CHD3: variants seen among roughly 807,000 people sequenced by gnomAD.
The protein encoded by CHD3 is ATP-dependent chromatin remodeler CHD3.
In CHD3, 52 loss-of-function variants were observed where a neutral mutation model predicts 248.9. That is an observed-to-expected ratio of 0.21 (90% confidence interval 0.17 to 0.26). The LOEUF (loss-of-function observed/expected upper bound fraction) is 0.26. Ranked by LOEUF, CHD3 falls within the 10% of genes least tolerant of loss-of-function variation. The pLI is 1.00. For synonymous variants in CHD3, 985 were observed against 985.2 expected (o/e 1.00, Z 0.00); for missense variants, 1,482 against 2,605.8 (o/e 0.57, Z 9.39).
intron 2 of CHD3, 105 bp from the exon 3 acceptor site, chr17:7,890,466 C>G (rs1968678134): frequency 7.7e-6 from 6 of 775,374 alleles, no homozygotes; most frequent in Non-Finnish European, 1.2e-5. Flanking sequence ...GTTACTATCA[C>G]AGGATTGTTG....
Position 7,899,862 on chromosome 17 carries a change from G to A in CHD3, c.2545-34G>A, listed in dbSNP as rs1324038078. On this transcript the variant is annotated intron_variant, in intron 15 of 39. Coordinates refer to ENST00000330494, the MANE Select transcript of CHD3 (RefSeq NM_001005273.3). The surrounding 1 kb of genome is among the most constrained non-coding windows in gnomAD (Gnocchi z 6.8). ...GGAGGTGTAGGTGCATGGTTGTCAG[G>A]TGGCAGCTGAATGGGCAATAATTAT... 6.2e-7 allele frequency: 1 copy of A among 1,605,192 alleles called. No individual in the cohort carries two copies. The highest frequency in any genetic ancestry group is 1.1e-5 in the South Asian group (1 of 90,666).
chr17:7,890,658 C>G lies in CHD3; in HGVS notation c.301C>G (p.Arg101Gly). The part of the protein sequence containing the change: ...GGSEYGTGPG[R>G]KRRRKHREKK... ...CAGTGAATATGGAACCGGACCGGGT[C>G]GGAAACGAAGAAGGAAGCACCGAGA... The change falls in exon 3 of 40, where the codon CGG (arginine) becomes GGG (glycine). Residue 101 changes from arginine (R) to glycine (G), a missense_variant. Arg to Gly is a moderately radical substitution (Grantham distance 125, BLOSUM62 -2). Transcript: ENST00000330494. The G allele has an allele frequency of 6.3e-7, 1 of 1,595,716 alleles. No individual in the cohort carries two copies. The highest frequency in any genetic ancestry group is 8.5e-7 in the Non-Finnish European group (1 of 1,176,078).
rs1969977122 is a variant in CHD3 at position 7,898,708 on chromosome 17, C to G, written c.2151+113C>G. On this transcript the variant is annotated intron_variant, in intron 13 of 39. Coordinates refer to ENST00000330494, the MANE Select transcript of CHD3 (RefSeq NM_001005273.3). ...TCAGTAACCTCTGTGAACAGTAGCTCTTCCTTCAGCATCCAGTCTTGCCCC... is the reference window on the plus strand; with the variant it reads ...TCAGTAACCTCTGTGAACAGTAGCTGTTCCTTCAGCATCCAGTCTTGCCCC... 7 of 829,272 alleles carry G rather than the reference C, an allele frequency of 8.4e-6. No homozygotes were observed. In the South Asian group the frequency reaches 1.0e-4, roughly 12 times the overall value. 51.4% of individuals were successfully genotyped at this position (829,272 alleles called of 1,614,324 possible). A position where few individuals can be genotyped will look rare whatever the true frequency, so the allele number is the denominator to read the frequency against.
In CHD3 at chr17:7,902,671, G is replaced by T; in HGVS notation, c.3314G>T (p.Arg1105Leu). 6.2e-7 allele frequency: 1 copy of T among 1,614,014 alleles called. No individual in the cohort carries two copies. Among genetic ancestry groups the T allele is most frequent in the Non-Finnish European group, 8.5e-7 (1 of 1,179,944 alleles). The change falls in exon 21 of 40, where the codon CGC becomes CTC. Residue 1105 changes from arginine to leucine, a missense_variant. Physicochemically the swap from Arg to Leu is moderately radical, Grantham distance 102 (BLOSUM62 -2). Around this residue, in one of 20 missense-constraint regions of CHD3, gnomAD observed 18 missense variants for 45.2 expected, o/e 0.40. Coordinates refer to ENST00000330494, the MANE Select transcript of CHD3 (RefSeq NM_001005273.3). Reference protein sequence around the residue: ...FLDYEGYKYERIDGGITGALR... With the variant: ...FLDYEGYKYELIDGGITGALR... ...GACTATGAAGGCTACAAGTATGAGC[G>T]CATCGATGGTGGTATCACGGGTGCC...
intron 5 of CHD3, 31 bp downstream of exon 5, chr17:7,893,600 T>G: frequency 6.5e-7 from 1 of 1,540,890 alleles, no homozygotes; most frequent in Non-Finnish European, 8.7e-7. Context: ...AACTGTCATC[T>G]CACCTTCCAA....
rs766079575 is a variant in CHD3 at position 7,909,987 on chromosome 17, T to C, written c.5591-441T>C. 5 of 269,440 alleles carry C rather than the reference T, an allele frequency of 1.9e-5. No individual in the cohort carries two copies. Among genetic ancestry groups the C allele is most frequent in the Non-Finnish European group, 3.6e-5 (5 of 137,886 alleles). 16.7% of individuals were successfully genotyped at this position (269,440 alleles called of 1,614,324 possible). On this transcript the variant is annotated intron_variant, in intron 37 of 39. Transcript: ENST00000330494. This position sits in a 1 kb window ranked among gnomAD's most constrained non-coding sequence, Gnocchi z 8.1. The stretch of plus-strand genomic sequence containing the variant: ...TCTAACCTCCCTCTCCCCTTACATA[T>C]TAAAACCGTGATTCCTTAAAGCTTT...
rs1971728393 is a variant in CHD3, at chr17:7,912,066, G to C, written c.*481G>C. 7.3e-6 allele frequency: 2 copies of C among 273,616 alleles called. No homozygotes were observed. The highest frequency in any genetic ancestry group is 6.9e-5 in the South Asian group (2 of 29,176). 16.9% of individuals were successfully genotyped at this position (273,616 alleles called of 1,614,324 possible). On this transcript the variant is annotated 3_prime_UTR_variant, in exon 40 of 40. Coordinates refer to ENST00000330494, the MANE Select transcript of CHD3 (RefSeq NM_001005273.3). ...AGAGAGGGATGAAAATGAGCCCTGG[G>C]AGGGAGGAAGGGACGAGGAGGGGTG...
At chr17:7,898,803 C>T (rs1285320644) in intron 13 of CHD3, among the ~76,000 whole-genome samples, 1 of 152,166 alleles carries the variant, frequency 6.6e-6, no homozygotes, top group African/African-American at 2.4e-5. Flanking sequence ...GGCTCTGTCA[C>T]CAGCTGGCCC....
rs752709646 is a variant in CHD3 at position 7,902,598 on chromosome 17, C to A, written c.3253-12C>A. On this transcript the variant is annotated splice_polypyrimidine_tract_variant and intron_variant, in intron 20 of 39. Coordinates refer to ENST00000330494, the MANE Select transcript of CHD3 (RefSeq NM_001005273.3). The stretch of plus-strand genomic sequence containing the variant: ...TCATTATTGCAGACTCCATCCTTTT[C>A]TCTTGCTCTAGATGACCAAAATGTT... The A allele has an allele frequency of 6.3e-7, 1 of 1,577,822 alleles. No homozygotes were observed. The highest frequency in any genetic ancestry group is 8.7e-7 in the Non-Finnish European group (1 of 1,147,480).
In CHD3 at chr17:7,906,277, C is replaced by T. The variant is rs1222747894; in HGVS notation, c.4359-276C>T. On this transcript the variant is annotated intron_variant, in intron 28 of 39. Transcript: ENST00000330494. The surrounding 1 kb of genome is among the most constrained non-coding windows in gnomAD (Gnocchi z 5.0). The stretch of plus-strand genomic sequence containing the variant: ...CTCACATTTACTTGACCACAATAAC[C>T]TGGCAGGAGGAGCTGGTGGAAAGGA... 2.9e-6 allele frequency: 2 copies of T among 691,600 alleles called. No individual in the cohort carries two copies. The highest frequency in any genetic ancestry group is 5.2e-6 in the Non-Finnish European group (2 of 383,148). The allele number at this position is 691,600 out of a possible 1,614,324, so 42.8% of individuals were successfully genotyped here.
Position 7,911,870 on chromosome 17 carries a change from C to A in CHD3, c.*285C>A. ...TCCAAGTACCTTCCTCCCACACTGC[C>A]AAGTATACACAACTTCCCAGTAAAT... On this transcript the variant is annotated 3_prime_UTR_variant, in exon 40 of 40. Coordinates refer to ENST00000330494, the MANE Select transcript of CHD3 (RefSeq NM_001005273.3). The surrounding 1 kb of genome is among the most constrained non-coding windows in gnomAD (Gnocchi z 5.4). 4 of 680,768 alleles carry A rather than the reference C, an allele frequency of 5.9e-6. No homozygotes were observed. Among genetic ancestry groups the A allele is most frequent in the Admixed American group, 3.3e-5 (1 of 30,054 alleles). The allele number at this position is 680,768 out of a possible 1,614,324, so 42.2% of individuals were successfully genotyped here.
intron 4 of CHD3, 31 bp from the exon 5 acceptor site, chr17:7,893,255 G>A: frequency 6.4e-7 from 1 of 1,571,696 alleles, no homozygotes; most frequent in Non-Finnish European, 8.6e-7. Flanking sequence ...CATCTGTGAA[G>A]GGTCCGAGTT....
chr17:7,891,953 C>T (rs1968931068), intron 4 of CHD3, among the ~76,000 whole-genome samples: 1 of 151,408 alleles, frequency 6.6e-6, no homozygotes, highest in African/African-American at 2.4e-5. Flanking sequence ...GAGGCAGCTG[C>T]TGAGGTTCAC....
chr17:7,905,536 G>A lies in CHD3; in HGVS notation c.4139-85G>A. On this transcript the variant is annotated intron_variant, in intron 26 of 39. Coordinates refer to ENST00000330494, the MANE Select transcript of CHD3 (RefSeq NM_001005273.3). This position sits in a 1 kb window ranked among gnomAD's most constrained non-coding sequence, Gnocchi z 5.8. ...CGTGACAGGAATGTTCCTGTGTTGT[G>A]TATCTTGTGGGAATGGGGTGCTAAG... is the stretch of plus-strand genomic sequence containing the variant. The A allele has an allele frequency of 2.0e-6, 2 of 1,013,378 alleles. No homozygotes were observed. The highest frequency in any genetic ancestry group is 2.9e-6 in the Non-Finnish European group (2 of 693,330). 62.8% of individuals were successfully genotyped at this position (1,013,378 alleles called of 1,614,324 possible). A position where few individuals can be genotyped will look rare whatever the true frequency, so the allele number is the denominator to read the frequency against.
At position 7,911,325 on chromosome 17, in the gene CHD3, T is replaced by C; in HGVS notation, c.5882-139T>C. 1 of 1,320,238 alleles carries C rather than the reference T, an allele frequency of 7.6e-7. No homozygotes were observed. The highest frequency in any genetic ancestry group is 1.2e-5 in the South Asian group (1 of 83,372). 81.8% of individuals were successfully genotyped at this position (1,320,238 alleles called of 1,614,324 possible). A position where few individuals can be genotyped will look rare whatever the true frequency, so the allele number is the denominator to read the frequency against. On this transcript the variant is annotated intron_variant, in intron 39 of 39. Transcript: ENST00000330494. The surrounding 1 kb of genome is among the most constrained non-coding windows in gnomAD (Gnocchi z 5.4). The stretch of plus-strand genomic sequence containing the variant: ...AAAGTGGAATCTCAGGGAAAGGGGT[T>C]TGCCCGGGTCTTCCCTCCCTCACGT...
At chr17:7,901,200 G>A (rs1368006608) in intron 19 of CHD3, 44 bp from the exon 20 acceptor site, 5 of 1,561,024 alleles carry the variant, frequency 3.2e-6, no homozygotes, top group Non-Finnish European at 4.3e-6. Flanking sequence ...ATGGGGGCAT[G>A]TTTCCAACTG....
chr17:7,905,327 A>G lies in CHD3; in HGVS notation c.4138+162A>G. 1.4e-6 allele frequency: 1 copy of G among 702,562 alleles called. No homozygotes were observed. The highest frequency in any genetic ancestry group is 2.5e-6 in the Non-Finnish European group (1 of 398,182). 43.5% of individuals were successfully genotyped at this position (702,562 alleles called of 1,614,324 possible). A position where few individuals can be genotyped will look rare whatever the true frequency, so the allele number is the denominator to read the frequency against. On this transcript the variant is annotated intron_variant, in intron 26 of 39. Transcript: ENST00000330494. The surrounding 1 kb of genome is among the most constrained non-coding windows in gnomAD (Gnocchi z 5.8). ...AAGAAATATTCATAGTCTCTCTGCT[A>G]GTAAACTTCGGTGTGTGTGACCACA...
chr17:7,911,775 C>T lies in CHD3; in HGVS notation c.*190C>T. On this transcript the variant is annotated 3_prime_UTR_variant, in exon 40 of 40. Coordinates refer to ENST00000330494, the MANE Select transcript of CHD3 (RefSeq NM_001005273.3). This position sits in a 1 kb window ranked among gnomAD's most constrained non-coding sequence, Gnocchi z 5.4. ...CTTTGTCTTTCTCCACTCCCACACA[C>T]CTTTCCCACCAAGCCTTGAAGACTG... is the stretch of plus-strand genomic sequence containing the variant. 1.3e-6 allele frequency: 2 copies of T among 1,494,552 alleles called. No individual in the cohort carries two copies. Among genetic ancestry groups the T allele is most frequent in the Admixed American group, 4.1e-5 (2 of 48,478 alleles). 92.6% of individuals were successfully genotyped at this position (1,494,552 alleles called of 1,614,324 possible).
intron 4 of CHD3, among the ~76,000 whole-genome samples, chr17:7,892,211 G>A (rs4321249): frequency 0.62 from 94,103 of 152,000 alleles, 32,748 homozygotes; most frequent in East Asian, 1. Context: ...TGGATCACCC[G>A]TGTCCGCACA....
Sources: allele counts gnomAD v4.1 joint callset (sites outside exome capture counted in the v4.1 genomes callset), GRCh38; gene constraint gnomAD v4.1.1; regional missense constraint gnomAD v4.1.1; non-coding constraint Gnocchi (gnomAD v3.1); transcripts MANE v1.5; gene names NCBI Gene and HGNC (gene_info 2026-07-23, HGNC 2026-07-21).